The following SLC4A8 variants were observed in gnomAD, a reference collection of about 807,000 sequenced individuals.
SLC4A8 encodes solute carrier family 4 member 8, also known as electroneutral sodium bicarbonate exchanger 1.
SLC4A8 carries 40 observed loss-of-function variants against 125.0 expected under a neutral mutation model. The ratio of observed to expected loss-of-function variants is 0.32; its 90% CI spans 0.25 to 0.42. The LOEUF (loss-of-function observed/expected upper bound fraction) is 0.42. Ranked by LOEUF, SLC4A8 falls within the 10% of genes least tolerant of loss-of-function variation. The pLI, the probability that SLC4A8 is intolerant of heterozygous loss-of-function variation, is 1.00. For synonymous variants in SLC4A8, 456 were observed against 476.0 expected (o/e 0.96, Z 0.55); for missense variants, 863 against 1,355.1 (o/e 0.64, Z 5.70).
Position 51,513,889 on chromosome 12 carries a change from G to A in SLC4A8, c.*6451G>A, listed in dbSNP as rs991912693. On this transcript the variant is annotated 3_prime_UTR_variant, in exon 25 of 25. Coordinates refer to ENST00000453097, the MANE Select transcript of SLC4A8 (RefSeq NM_001039960.3). ...CTGGCTTGGGGAATCTGTAGTTTCT[G>A]GTTGTCCAAAAAAGATAGTTCTTAG... The A allele has an allele frequency of 6.6e-6, 1 of 152,138 alleles. No homozygotes were observed. The highest frequency in any genetic ancestry group is 2.4e-5 in the African/African-American group (1 of 41,420). 9.4% of individuals were successfully genotyped at this position (152,138 alleles called of 1,614,324 possible).
rs1950643715 is a variant in SLC4A8 at position 51,469,936 on chromosome 12, C to T, written c.1524+148C>T. The stretch of plus-strand genomic sequence containing the variant: ...ATTACCATGGTCTTCTGACATCACA[C>T]CAAAGAGCAACACAGTCCTCTCTTT... On this transcript the variant is annotated intron_variant, in intron 12 of 24. Transcript: ENST00000453097. 8.9e-5 allele frequency: 60 copies of T among 670,570 alleles called. 3 individuals are homozygous for T. In the South Asian group the frequency reaches 1.2e-3, roughly 13 times the overall value. 41.5% of individuals were successfully genotyped at this position (670,570 alleles called of 1,614,324 possible). A position where few individuals can be genotyped will look rare whatever the true frequency, so the allele number is the denominator to read the frequency against.
At chr12:51,392,001 CG>C (rs1319653055) in intron 1 of SLC4A8, 1 of 152,556 alleles carries the variant, frequency 6.6e-6, no homozygotes, top group Non-Finnish European at 1.5e-5. Flanking sequence ...AGGCCTGCCC[CG>C]GAGGGGGAAA....
chr12:51,403,070 A>G, intron 1 of SLC4A8: 1 of 316,840 alleles, frequency 3.2e-6, no homozygotes, highest in Non-Finnish European at 6.7e-6. Context: ...TTTTTTTTTA[A>G]AGGACAATTA....
chr12:51,486,646 C>T (rs56905112), intron 17 of SLC4A8, among the ~76,000 whole-genome samples: 89 of 152,232 alleles, frequency 5.8e-4, no homozygotes, highest in African/African-American at 2.0e-3. Context: ...AAAATCTGTG[C>T]GTACTCAGTG....
chr12:51,494,767 C>T (rs1951418204), intron 20 of SLC4A8, 178 bp from the exon 21 acceptor site: 1 of 482,676 alleles, frequency 2.1e-6, no homozygotes, highest in South Asian at 5.4e-5. Flanking sequence ...TTGACTTTGC[C>T]ACTTAATAAC....
At chr12:51,467,858 T>A (rs1376710789) in intron 11 of SLC4A8, among the ~76,000 whole-genome samples, 1 of 152,220 alleles carries the variant, frequency 6.6e-6, no homozygotes, top group Non-Finnish European at 1.5e-5. Flanking sequence ...ATGCATCTCT[T>A]TAATTAGGAC....
intron 22 of SLC4A8, chr12:51,497,725 CTT>C (rs956155195): frequency 3.9e-5 from 6 of 152,196 alleles, no homozygotes; most frequent in African/African-American, 1.4e-4. Flanking sequence ...TTTGAAAAAA[CTT>C]TTAAAAGACT....
intron 1 of SLC4A8, among the ~76,000 whole-genome samples, chr12:51,417,521 A>ATT (rs112780806): frequency 2.0e-4 from 27 of 135,140 alleles, no homozygotes; most frequent in Non-Finnish European, 1.1e-4. Context: ...TAATTTTTGT[A>ATT]TTTTTTTTTT....
intron 23 of SLC4A8, 60 bp downstream of exon 23, chr12:51,504,180 TGTG>T: frequency 4.9e-5 from 51 of 1,031,790 alleles, no homozygotes; most frequent in Middle Eastern, 2.0e-4. Context: ...GTTCTGGCTT[TGTG>T]GTGGTGGTGG....
At chr12:51,457,172 T>A (rs1036021946) in intron 5 of SLC4A8, among the ~76,000 whole-genome samples, 179 bp from the exon 6 acceptor site, 5 of 152,178 alleles carry the variant, frequency 3.3e-5, no homozygotes, top group African/African-American at 9.7e-5. Flanking sequence ...AAAGTATAAC[T>A]TTTCACAGTC....
chr12:51,404,102 C>T (rs904652371), intron 1 of SLC4A8, among the ~76,000 whole-genome samples: 6 of 152,132 alleles, frequency 3.9e-5, no homozygotes, highest in Admixed American at 1.3e-4. Context: ...AAGACTCTTC[C>T]GTGTGGCCAC....
rs1276994317 is a variant in SLC4A8, at chr12:51,457,531, A to G, written c.755A>G (p.Asp252Gly). The part of the protein sequence containing the change: ...GKKQSDPHLM[D>G]KHGQTVSPQS... ...AAGCAGTCTGATCCTCATTTGATGG[A>G]TAAACATGGTAAGATTATTAGGTGA... Residue 252 changes from aspartate to glycine, a missense_variant, in exon 6 of 25, where the codon GAT (aspartate) becomes GGT (glycine). This residue lies in a region of SLC4A8 where 390 missense variants were observed against 634.4 expected (regional missense o/e 0.61). Coordinates refer to ENST00000453097, the MANE Select transcript of SLC4A8 (RefSeq NM_001039960.3). 2 of 1,612,738 alleles carry G rather than the reference A, an allele frequency of 1.2e-6. No homozygotes were observed. The highest frequency in any genetic ancestry group is 8.5e-7 in the Non-Finnish European group (1 of 1,179,380).
At chr12:51,451,189 G>A (rs1378311188) in intron 3 of SLC4A8, among the ~76,000 whole-genome samples, 167 bp downstream of exon 3, 1 of 152,148 alleles carries the variant, frequency 6.6e-6, no homozygotes, top group Non-Finnish European at 1.5e-5. Context: ...AAATATTTTC[G>A]TGAAAACTTC....
At chr12:51,454,679 G>A (rs1401675308) in intron 5 of SLC4A8, among the ~76,000 whole-genome samples, 2 of 45,666 alleles carry the variant, frequency 4.4e-5, no homozygotes, top group African/African-American at 2.0e-4. Flanking sequence ...GCCCTAAGGC[G>A]GTTTTTCCCT....
chr12:51,451,289 A>G (rs1949962464), intron 3 of SLC4A8, among the ~76,000 whole-genome samples: 1 of 152,130 alleles, frequency 6.6e-6, no homozygotes, highest in Admixed American at 6.5e-5. Flanking sequence ...TCACTGTGTT[A>G]GCCTGGACGG....
chr12:51,474,524 T>C, intron 15 of SLC4A8, 77 bp downstream of exon 15: 1 of 1,534,456 alleles, frequency 6.5e-7, no homozygotes, highest in Non-Finnish European at 8.9e-7. Context: ...AGGGGAGGAG[T>C]AGCCCTTTGG....
In SLC4A8 at chr12:51,514,427, C is replaced by G. The variant is rs1666782857; in HGVS notation, c.*6989C>G. 1 of 152,570 alleles carries G rather than the reference C, an allele frequency of 6.6e-6. No individual in the cohort carries two copies. Among genetic ancestry groups the G allele is most frequent in the African/African-American group, 2.4e-5 (1 of 41,466 alleles). 9.5% of individuals were successfully genotyped at this position (152,570 alleles called of 1,614,324 possible). A position where few individuals can be genotyped will look rare whatever the true frequency, so the allele number is the denominator to read the frequency against. On this transcript the variant is annotated 3_prime_UTR_variant, in exon 25 of 25. Transcript: ENST00000453097. ...GCTTTTTCAAGCACCCCTTTCACCT[C>G]TCTTTTCTGCCTTTTCCTCAGTCTG...
chr12:51,481,442 A>G (rs1951022810), intron 16 of SLC4A8, among the ~76,000 whole-genome samples: 1 of 152,192 alleles, frequency 6.6e-6, no homozygotes, highest in African/African-American at 2.4e-5. Flanking sequence ...ATCTTAATTC[A>G]GCTAGAGTTA....
chr12:51,411,045 GTT>G lies in SLC4A8; in HGVS notation c.-112+19576_-112+19577del, dbSNP rs58816269. On this transcript the variant is annotated intron_variant, in intron 1 of 24. Transcript: ENST00000358657. ...GTGAGCCACTGCTCCTGGCCAATCT[GTT>G]TTTTTTTTTTTTTTTTTTAAATACA... is the stretch of plus-strand genomic sequence containing the variant. Among the ~76,000 whole-genome samples the G allele has an allele frequency of 9.3e-3, 1,138 of 122,890 alleles. 5 individuals are homozygous for G. The highest frequency in any genetic ancestry group is 0.012 in the Non-Finnish European group (705 of 58,450). 80.6% of individuals were successfully genotyped at this position (122,890 alleles called of 152,430 possible). A position where few individuals can be genotyped will look rare whatever the true frequency, so the allele number is the denominator to read the frequency against.
Sources: gnomAD v4.1 joint callset for allele counts (sites outside exome capture counted in the v4.1 genomes callset) on GRCh38, gnomAD v4.1.1 for gene constraint, gnomAD v4.1.1 regional missense constraint, MANE v1.5 for transcripts, NCBI Gene and HGNC (gene_info 2026-07-23, HGNC 2026-07-21) for gene names.